Variants in FAR2 observed in about 807,000 individuals in gnomAD.
FAR2 encodes the protein fatty acyl-CoA reductase 2.
In FAR2, 19 loss-of-function variants were observed where a neutral mutation model predicts 56.0. The observed-to-expected ratio is 0.34, with a 90% CI of 0.24 to 0.50. The LOEUF (loss-of-function observed/expected upper bound fraction) is 0.50, where lower values mean the gene tolerates loss of function less well. FAR2 is among the 20% of genes least tolerant of loss of function. The pLI is 0.98. For synonymous variants in FAR2, 219 were observed against 218.8 expected (o/e 1.00, Z -0.01); for missense variants, 508 against 642.2 (o/e 0.79, Z 2.26).
chr12:29,280,180 C>A (rs1948765811), intron 2 of FAR2, among the ~76,000 whole-genome samples: 1 of 152,170 alleles, frequency 6.6e-6, no homozygotes, highest in Non-Finnish European at 1.5e-5. Context: ...CTGCCTCGGC[C>A]TCCCAAAGTA....
chr12:29,240,490 G>C (rs1052243108), intron 1 of FAR2, among the ~76,000 whole-genome samples: 2 of 150,522 alleles, frequency 1.3e-5, no homozygotes, highest in Non-Finnish European at 2.9e-5. Flanking sequence ...GGGGTGAGGT[G>C]ACACAGAGAA....
chr12:29,215,839 T>C (rs952712706), intron 1 of FAR2, among the ~76,000 whole-genome samples: 1 of 152,208 alleles, frequency 6.6e-6, no homozygotes, highest in African/African-American at 2.4e-5. Context: ...AAATTATTTT[T>C]AAAAGAGTAT....
chr12:29,203,887 C>T (rs1436881933), intron 1 of FAR2, among the ~76,000 whole-genome samples: 2 of 149,678 alleles, frequency 1.3e-5, no homozygotes, highest in African/African-American at 2.5e-5. Context: ...GTAGTCCCAG[C>T]TACTCGGGAG....
intron 1 of FAR2, among the ~76,000 whole-genome samples, chr12:29,203,510 A>G (rs1189642811): frequency 2.0e-5 from 3 of 152,206 alleles, no homozygotes; most frequent in African/African-American, 4.8e-5. Flanking sequence ...GGCCCAAGAA[A>G]ATCTCTAAGT....
rs551719595 is a variant in FAR2, at chr12:29,184,904, T to C, written c.-39+35497T>C. Among the ~76,000 whole-genome samples the C allele has an allele frequency of 8.2e-4, 125 of 152,300 alleles. 1 individual carries two copies. Among genetic ancestry groups the C allele is most frequent in the African/African-American group, 2.8e-3 (118 of 41,552 alleles). On this transcript the variant is annotated intron_variant, in intron 1 of 11. Transcript: ENST00000536681. ...TTCTCAGTAGGAATAGGTAAAAATA[T>C]CATCAGCCTAGTCATCAGATGACCT...
chr12:29,158,398 A>G (rs1949750764), intron 1 of FAR2, among the ~76,000 whole-genome samples: 2 of 152,250 alleles, frequency 1.3e-5, no homozygotes, highest in Admixed American at 1.3e-4. Flanking sequence ...AAGCTGCAGG[A>G]ATCTTTGATG....
At position 29,311,895 on chromosome 12, in the gene FAR2, A is replaced by G; in HGVS notation, c.900A>G (p.Thr300=). 1.2e-6 allele frequency: 2 copies of G among 1,609,134 alleles called. No homozygotes were observed. Among genetic ancestry groups the G allele is most frequent in the South Asian group, 2.2e-5 (2 of 90,096 alleles). ...TTTCATTTTCCAGACCTAAGTCAAC[A>G]TTAGTCTACCACATTACATCTGGTA... ...WYTAVHRPKS[T]LVYHITSGNM... Residue 300 remains threonine, a synonymous_variant, in exon 8 of 12, where the codon ACA becomes ACG. Coordinates refer to ENST00000536681, the MANE Select transcript of FAR2 (RefSeq NM_001271783.2).
chr12:29,240,013 T>A (rs1257999161), intron 1 of FAR2, among the ~76,000 whole-genome samples: 1 of 152,200 alleles, frequency 6.6e-6, no homozygotes, highest in African/African-American at 2.4e-5. Flanking sequence ...TGAGATGGTA[T>A]CTGCTGCCCC....
chr12:29,302,042 A>G (rs1006612325), intron 4 of FAR2: 1 of 152,104 alleles, frequency 6.6e-6, no homozygotes, highest in African/African-American at 2.4e-5. Context: ...CATCCTGGCT[A>G]ACGCGGTGAA....
intron 1 of FAR2, among the ~76,000 whole-genome samples, chr12:29,260,371 A>T (rs138941946): frequency 0.011 from 1,725 of 152,334 alleles, 16 homozygotes; most frequent in Non-Finnish European, 0.018. Context: ...GATTAAAATC[A>T]TGGACACAAC....
At chr12:29,225,574 A>G (rs1157380857) in intron 1 of FAR2, among the ~76,000 whole-genome samples, 1 of 152,216 alleles carries the variant, frequency 6.6e-6, no homozygotes, top group African/African-American at 2.4e-5. Context: ...GTGCTCTGGA[A>G]TAAGCTCTGT....
intron 4 of FAR2, among the ~76,000 whole-genome samples, chr12:29,301,245 A>G (rs889613114): frequency 6.6e-6 from 1 of 152,188 alleles, no homozygotes; most frequent in African/African-American, 2.4e-5. Context: ...CCTGGCCGTT[A>G]ATCAGTGTTT....
At chr12:29,209,422 G>A (rs1251806541) in intron 1 of FAR2, among the ~76,000 whole-genome samples, 2 of 152,182 alleles carry the variant, frequency 1.3e-5, no homozygotes, top group African/African-American at 4.8e-5. Context: ...AACCTGTTCA[G>A]CTCATAAAGT....
chr12:29,152,553 A>G (rs1275071374), intron 1 of FAR2, among the ~76,000 whole-genome samples: 2 of 152,190 alleles, frequency 1.3e-5, no homozygotes, highest in Non-Finnish European at 1.5e-5. Flanking sequence ...GAATTGATCA[A>G]ACTCCTTTAT....
At chr12:29,271,977 C>T (rs1038785119) in intron 2 of FAR2, among the ~76,000 whole-genome samples, 1 of 152,172 alleles carries the variant, frequency 6.6e-6, no homozygotes, top group African/African-American at 2.4e-5. Context: ...TGCTCCTGCC[C>T]CACACTGCCT....
chr12:29,298,745 T>C (rs1428816812), intron 4 of FAR2, among the ~76,000 whole-genome samples: 6 of 152,206 alleles, frequency 3.9e-5, no homozygotes, highest in Non-Finnish European at 5.9e-5. Context: ...TACCCTCTTA[T>C]GGTGTTGTCT....
At chr12:29,250,190 G>T (rs1212973181) in intron 1 of FAR2, among the ~76,000 whole-genome samples, 1 of 132,264 alleles carries the variant, frequency 7.6e-6, no homozygotes, top group African/African-American at 3.0e-5. Context: ...AGTTGGTCAG[G>T]GTAACAAGAT....
rs568929138 is a variant in FAR2, at chr12:29,307,511, A to G, written c.546-147A>G. 3 of 734,896 alleles carry G rather than the reference A, an allele frequency of 4.1e-6. No individual in the cohort carries two copies. In the African/African-American group the frequency reaches 5.4e-5, roughly 13 times the overall value. 45.5% of individuals were successfully genotyped at this position (734,896 alleles called of 1,614,324 possible). A position where few individuals can be genotyped will look rare whatever the true frequency, so the allele number is the denominator to read the frequency against. ...AAGCTCATGCATGCTTTGAGCAGGT[A>G]CACACTCAAACTTGGTATCATGTGA... On this transcript the variant is annotated intron_variant, in intron 4 of 11. Transcript: ENST00000536681.
chr12:29,197,100 A>G (rs1462654970), intron 1 of FAR2, among the ~76,000 whole-genome samples: 1 of 152,190 alleles, frequency 6.6e-6, no homozygotes, highest in Non-Finnish European at 1.5e-5. Flanking sequence ...CAACATTTGC[A>G]TTTGACCTAT....
Sources: gnomAD v4.1 joint callset for allele counts (sites outside exome capture counted in the v4.1 genomes callset) on GRCh38, gnomAD v4.1.1 for gene constraint, MANE v1.5 for transcripts, NCBI Gene and HGNC (gene_info 2026-07-23, HGNC 2026-07-21) for gene names.